The following CREBRF variants were observed in gnomAD, a reference collection of about 807,000 sequenced individuals.
CREBRF encodes the protein UPF0474 protein C5orf41.
CREBRF carries 5 observed loss-of-function variants against 66.1 expected under a neutral mutation model. That is an observed-to-expected ratio of 0.08 (90% confidence interval 0.04 to 0.16). The LOEUF (loss-of-function observed/expected upper bound fraction) is 0.16, where lower values mean the gene tolerates loss of function less well. Ranked by LOEUF, CREBRF falls within the 10% of genes least tolerant of loss-of-function variation. CREBRF has a pLI of 1.00. For missense variants in CREBRF, 531 were observed against 744.9 expected, an observed-to-expected ratio of 0.71 and a Z score of 3.34; for synonymous variants, 229 against 264.4, an observed-to-expected ratio of 0.87 and a Z score of 1.30.
chr5:173,058,400 A>G (rs1374096257), intron 1 of CREBRF, among the ~76,000 whole-genome samples: 1 of 152,226 alleles, frequency 6.6e-6, no homozygotes, highest in Non-Finnish European at 1.5e-5. Context: ...GGGGCTAATC[A>G]GAGTTAGCTG....
chr5:173,090,290 A>G lies in CREBRF; in HGVS notation c.136-25A>G. On this transcript the variant is annotated intron_variant, in intron 3 of 8. Coordinates refer to ENST00000296953, the MANE Select transcript of CREBRF (RefSeq NM_153607.3). The surrounding 1 kb of genome is among the most constrained non-coding windows in gnomAD (Gnocchi z 4.5). ...ATTTCCTTCTGAAATATGATGTGCAATTTCTTTTTTAAAACCTTTCTCAGG... is the reference window on the plus strand; with the variant it reads ...ATTTCCTTCTGAAATATGATGTGCAGTTTCTTTTTTAAAACCTTTCTCAGG... The G allele has an allele frequency of 7.1e-6, 11 of 1,549,966 alleles. No individual in the cohort carries two copies. Among genetic ancestry groups the G allele is most frequent in the Non-Finnish European group, 8.8e-6 (10 of 1,140,306 alleles).
At chr5:173,086,218 T>C (rs1758140887) in intron 2 of CREBRF, 1 of 754,334 alleles carries the variant, frequency 1.3e-6, no homozygotes. Flanking sequence ...GCTGAAATAG[T>C]TTTGTATCCA....
intron 1 of CREBRF, among the ~76,000 whole-genome samples, chr5:173,062,391 CT>C (rs1308299079): frequency 4.6e-5 from 7 of 152,258 alleles, no homozygotes; most frequent in African/African-American, 1.4e-4. Context: ...ATAAAGTCTA[CT>C]ATTAGAGATG....
chr5:173,127,466 T>C (rs1759304053), intron 8 of CREBRF, among the ~76,000 whole-genome samples: 3 of 149,932 alleles, frequency 2.0e-5, no homozygotes, highest in South Asian at 4.2e-4. Context: ...CTTTTCTTTT[T>C]TTTTTTTTTT....
At chr5:173,104,744 T>A (rs1436903531) in intron 4 of CREBRF, among the ~76,000 whole-genome samples, 2 of 151,038 alleles carry the variant, frequency 1.3e-5, no homozygotes, top group African/African-American at 4.9e-5. Context: ...AGAGAGAGTG[T>A]GTGTGTGTGT....
Position 173,090,621 on chromosome 5 carries a change from C to G in CREBRF, c.442C>G (p.Gln148Glu). ...AGCTCAACTTAATAGTGAGGACTCA[C>G]AGTCTGTTTCTGATTCCCTTTATTA... ...TLAQLNSEDS[Q>E]SVSDSLYYPD... Residue 148 changes from glutamine (Q) to glutamate (E), a missense_variant, in exon 4 of 9, where the codon CAG becomes GAG. Transcript: ENST00000296953. The surrounding 1 kb of genome is among the most constrained non-coding windows in gnomAD (Gnocchi z 4.5). 6.2e-7 allele frequency: 1 copy of G among 1,614,124 alleles called. No homozygotes were observed. Among genetic ancestry groups the G allele is most frequent in the South Asian group, 1.1e-5 (1 of 91,076 alleles).
At chr5:173,126,511 C>A (rs1434162316) in intron 8 of CREBRF, among the ~76,000 whole-genome samples, 1 of 152,190 alleles carries the variant, frequency 6.6e-6, no homozygotes, top group Non-Finnish European at 1.5e-5. Context: ...TCAGAGTTCA[C>A]AGAGGCTCAA....
In CREBRF at chr5:173,060,234, T is replaced by TG. The variant is rs1358978065; in HGVS notation, c.-192+3755_-192+3756insG. ...TAAAAAATACATATATATATATATG[T>TG]TTTTTTTTTTTTTTGAGACGGAGTC... On this transcript the variant is annotated intron_variant, in intron 1 of 8. Transcript: ENST00000296953. The TG allele has an allele frequency of 1.1e-3, 135 of 127,372 alleles. 1 individual carries two copies. In the Middle Eastern group the frequency reaches 0.018, roughly 17 times the overall value. 7.9% of individuals were successfully genotyped at this position (127,372 alleles called of 1,614,324 possible).
chr5:173,079,403 C>CAGCG (rs1349739311), intron 1 of CREBRF, among the ~76,000 whole-genome samples: 1 of 149,516 alleles, frequency 6.7e-6, no homozygotes, highest in African/African-American at 2.5e-5. Flanking sequence ...GTTGAGGTTG[C>CAGCG]AGTGAGCCAA....
intron 1 of CREBRF, among the ~76,000 whole-genome samples, chr5:173,079,578 A>G (rs1757870557): frequency 6.6e-6 from 1 of 152,134 alleles, no homozygotes; most frequent in South Asian, 2.1e-4. Context: ...GTTTACCAAT[A>G]TAAGAAGTGA....
chr5:173,084,317 A>T (rs1000670150), intron 2 of CREBRF, among the ~76,000 whole-genome samples: 2 of 152,156 alleles, frequency 1.3e-5, no homozygotes, highest in Non-Finnish European at 2.9e-5. Context: ...AGAGGAGGAA[A>T]AACAACAACA....
intron 6 of CREBRF, 37 bp from the exon 7 acceptor site, chr5:173,112,269 A>G (rs754915950): frequency 3.9e-5 from 56 of 1,439,066 alleles, no homozygotes; most frequent in Non-Finnish European, 5.0e-5. Context: ...TAAAATTAAG[A>G]AAAAGAAAGT....
chr5:173,067,581 G>A (rs1224553931), intron 1 of CREBRF, among the ~76,000 whole-genome samples: 1 of 152,162 alleles, frequency 6.6e-6, no homozygotes, highest in African/African-American at 2.4e-5. Flanking sequence ...AATTTCATGT[G>A]AAATTTAAAT....
chr5:173,111,542 C>G (rs1758870624), intron 6 of CREBRF, among the ~76,000 whole-genome samples: 1 of 152,206 alleles, frequency 6.6e-6, no homozygotes, highest in Non-Finnish European at 1.5e-5. Flanking sequence ...TATTCTTTCA[C>G]TCAACATGAC....
intron 5 of CREBRF, chr5:173,110,302 C>T (rs2113772929): frequency 1.6e-6 from 1 of 638,856 alleles, no homozygotes; most frequent in East Asian, 3.1e-5. Flanking sequence ...AAAGTTAGAA[C>T]TCTGCCATAT....
chr5:173,080,828 A>G (rs771183004), intron 2 of CREBRF, 44 bp downstream of exon 2: 9 of 1,593,106 alleles, frequency 5.6e-6, no homozygotes, highest in African/African-American at 2.7e-5. Context: ...TTTTCCCACT[A>G]CAGAAAGTCA....
At chr5:173,069,815 G>A (rs979164386) in intron 1 of CREBRF, among the ~76,000 whole-genome samples, 1 of 152,006 alleles carries the variant, frequency 6.6e-6, no homozygotes, top group Non-Finnish European at 1.5e-5. Flanking sequence ...GGTATAGCCT[G>A]CTTCACAGTA....
intron 1 of CREBRF, among the ~76,000 whole-genome samples, chr5:173,058,037 C>A (rs1223681390): frequency 7.0e-6 from 1 of 143,000 alleles, no homozygotes; most frequent in Non-Finnish European, 1.5e-5. Flanking sequence ...CCTGGAATTT[C>A]TTTTTTTTTT....
intron 7 of CREBRF, among the ~76,000 whole-genome samples, chr5:173,120,683 CTTTTTTT>C (rs70984942): frequency 3.9e-5 from 2 of 51,284 alleles, no homozygotes; most frequent in African/African-American, 6.7e-5. Flanking sequence ...GCCTGAGCCT[CTTTTTTT>C]TTTTTTTTTT....
Sources: allele counts gnomAD v4.1 joint callset (sites outside exome capture counted in the v4.1 genomes callset), GRCh38; gene constraint gnomAD v4.1.1; non-coding constraint Gnocchi (gnomAD v3.1); transcripts MANE v1.5; gene names NCBI Gene and HGNC (gene_info 2026-07-23, HGNC 2026-07-21).